The following ANKRD6 variants were observed in gnomAD, a reference collection of about 807,000 sequenced individuals.
The protein encoded by ANKRD6 is ankyrin repeat domain-containing protein 6.
ANKRD6 carries 56 observed loss-of-function variants against 82.3 expected under a neutral mutation model. The observed-to-expected ratio is 0.68, with a 90% CI of 0.55 to 0.85. The LOEUF (loss-of-function observed/expected upper bound fraction) is 0.85. Among genes scored for constraint, ANKRD6 ranks in the 40% least tolerant of loss-of-function variants. ANKRD6 has a pLI of 0.00. For synonymous variants in ANKRD6, 347 were observed against 352.1 expected (o/e 0.99, Z 0.16); for missense variants, 852 against 907.6 (o/e 0.94, Z 0.79).
At chr6:89,608,368 C>CACACACACACACACACACACGCACTATA in intron 5 of ANKRD6, among the ~76,000 whole-genome samples, 1 of 130,752 alleles carries the variant, frequency 7.6e-6, no homozygotes, top group African/African-American at 3.1e-5. Flanking sequence ...CACACACACA[C>CACACACACACACACACACACGCACTATA]TATATATATA....
chr6:89,625,977 C>T (rs752574309), intron 13 of ANKRD6, among the ~76,000 whole-genome samples: 1 of 152,136 alleles, frequency 6.6e-6, no homozygotes, highest in Non-Finnish European at 1.5e-5. Flanking sequence ...TCAAGCGCCT[C>T]GCCTGCCTTG....
At chr6:89,533,228 G>T (rs760000644) in intron 1 of ANKRD6, among the ~76,000 whole-genome samples, 20 of 152,082 alleles carry the variant, frequency 1.3e-4, no homozygotes, top group Non-Finnish European at 4.4e-5. Context: ...CCAGGCTAGT[G>T]AAGATACTAG....
chr6:89,487,398 A>T (rs570298593), intron 1 of ANKRD6, among the ~76,000 whole-genome samples: 2 of 152,222 alleles, frequency 1.3e-5, no homozygotes, highest in African/African-American at 4.8e-5. Context: ...CATTTTTAAA[A>T]TGTGGAATTT....
chr6:89,544,203 G>A (rs1784761126), intron 1 of ANKRD6, among the ~76,000 whole-genome samples: 1 of 151,858 alleles, frequency 6.6e-6, no homozygotes, highest in Non-Finnish European at 1.5e-5. Flanking sequence ...ATTCTGCCAA[G>A]GCAGTACCAG....
chr6:89,631,949 C>T lies in ANKRD6; in HGVS notation c.*945C>T, dbSNP rs376578168. 3.3e-5 allele frequency: 5 copies of T among 152,294 alleles called. No individual in the cohort carries two copies. The East Asian group carries it at 5.8e-4, about 18-fold the overall frequency. The allele number at this position is 152,294 out of a possible 1,614,324, so 9.4% of individuals were successfully genotyped here. On this transcript the variant is annotated 3_prime_UTR_variant, in exon 16 of 16. Transcript: ENST00000339746. The stretch of plus-strand genomic sequence containing the variant: ...GCTTTCTACTGCTTTGCGGTGAAGG[C>T]AAAATATTCGATAACTCAACTTAGG...
intron 13 of ANKRD6, 91 bp from the exon 14 acceptor site, chr6:89,627,492 T>G: frequency 9.1e-7 from 1 of 1,102,088 alleles, no homozygotes; most frequent in Non-Finnish European, 1.3e-6. Context: ...GGGCTCCTAC[T>G]TGGTTCCCCA....
intron 2 of ANKRD6, among the ~76,000 whole-genome samples, chr6:89,590,677 T>C (rs1310683942): frequency 6.6e-6 from 1 of 152,088 alleles, no homozygotes; most frequent in Admixed American, 6.5e-5. Flanking sequence ...AGAACTTTGC[T>C]CCTACCCTTA....
chr6:89,447,282 T>C (rs1242754059), intron 1 of ANKRD6, among the ~76,000 whole-genome samples: 2 of 152,098 alleles, frequency 1.3e-5, no homozygotes, highest in Non-Finnish European at 2.9e-5. Flanking sequence ...GCCACTCCAC[T>C]GTACACAGGA....
intron 2 of ANKRD6, among the ~76,000 whole-genome samples, chr6:89,580,963 A>C (rs1280230970): frequency 1.3e-5 from 2 of 152,066 alleles, no homozygotes; most frequent in Non-Finnish European, 2.9e-5. Flanking sequence ...CACTTATTTT[A>C]ATTGGAGTAG....
intron 2 of ANKRD6, among the ~76,000 whole-genome samples, chr6:89,591,566 G>T (rs573549805): frequency 6.6e-6 from 1 of 152,336 alleles, no homozygotes; most frequent in South Asian, 2.1e-4. Flanking sequence ...TCACCCTTAA[G>T]AGGGGTTCCA....
intron 7 of ANKRD6, chr6:89,616,348 C>A (rs1325785850): frequency 1.2e-5 from 7 of 568,368 alleles, no homozygotes; most frequent in Admixed American, 3.1e-5. Flanking sequence ...GGTATCCTCA[C>A]TCAGAAAGAA....
intron 1 of ANKRD6, among the ~76,000 whole-genome samples, chr6:89,477,434 G>A (rs1776180030): frequency 6.6e-6 from 1 of 151,826 alleles, no homozygotes; most frequent in African/African-American, 2.4e-5. Flanking sequence ...TTAATTAGGG[G>A]GTGGTCATGG....
At chr6:89,439,491 G>A (rs1297573089) in intron 1 of ANKRD6, among the ~76,000 whole-genome samples, 1 of 152,106 alleles carries the variant, frequency 6.6e-6, no homozygotes, top group Non-Finnish European at 1.5e-5. Flanking sequence ...CCAAGAGGGT[G>A]CACAGCATCA....
At chr6:89,484,845 A>G (rs1052119777) in intron 1 of ANKRD6, among the ~76,000 whole-genome samples, 1 of 152,218 alleles carries the variant, frequency 6.6e-6, no homozygotes, top group African/African-American at 2.4e-5. Flanking sequence ...AATGAACTTA[A>G]TTAGTGGAGT....
chr6:89,441,080 C>A (rs1228411671), intron 1 of ANKRD6, among the ~76,000 whole-genome samples: 1 of 152,074 alleles, frequency 6.6e-6, no homozygotes, highest in Non-Finnish European at 1.5e-5. Context: ...CTAGTTAGAA[C>A]CTACTTAATC....
chr6:89,507,524 A>T (rs1354443499), intron 1 of ANKRD6, among the ~76,000 whole-genome samples: 3 of 152,356 alleles, frequency 2.0e-5, no homozygotes, highest in African/African-American at 7.2e-5. Context: ...GCAGCAGGGA[A>T]TTAAGCTAGC....
chr6:89,447,868 G>GTTTTTTTTTTTTTTT (rs1772303903), intron 1 of ANKRD6, among the ~76,000 whole-genome samples: 1 of 39,148 alleles, frequency 2.6e-5, no homozygotes, highest in African/African-American at 1.9e-4. Context: ...TTTTTTTTCA[G>GTTTTTTTTTTTTTTT]TAGAGATGGG....
At chr6:89,566,588 A>G (rs1300105319) in intron 1 of ANKRD6, among the ~76,000 whole-genome samples, 1 of 151,964 alleles carries the variant, frequency 6.6e-6, no homozygotes. Context: ...TTCTGGCCAT[A>G]CTCCTCCGGA....
intron 1 of ANKRD6, among the ~76,000 whole-genome samples, chr6:89,521,734 A>G (rs933310309): frequency 6.6e-6 from 1 of 151,896 alleles, no homozygotes; most frequent in African/African-American, 2.4e-5. Flanking sequence ...AATCAGATCT[A>G]TTTTCCTTTG....
Sources: allele counts gnomAD v4.1 joint callset (sites outside exome capture counted in the v4.1 genomes callset), GRCh38; gene constraint gnomAD v4.1.1; transcripts MANE v1.5; gene names NCBI Gene and HGNC (gene_info 2026-07-23, HGNC 2026-07-21).